Variants in STOX2 observed in about 807,000 individuals in gnomAD.
The protein encoded by STOX2 is storkhead-box protein 2.
A neutral mutation model predicts 60.9 loss-of-function variants in STOX2; 28 were observed. The ratio of observed to expected loss-of-function variants is 0.46; its 90% CI spans 0.34 to 0.63. The LOEUF (loss-of-function observed/expected upper bound fraction) is 0.63, where lower values mean the gene tolerates loss of function less well. Among genes scored for constraint, STOX2 ranks in the 30% least tolerant of loss-of-function variants. The pLI is 0.01. For synonymous variants in STOX2, 472 were observed against 463.9 expected, an observed-to-expected ratio of 1.02 and a Z score of -0.22; for missense variants, 1,024 against 1,187.7, an observed-to-expected ratio of 0.86 and a Z score of 2.03.
chr4:183,943,024 A>G (rs187936696), intron 1 of STOX2, among the ~76,000 whole-genome samples: 66 of 152,372 alleles, frequency 4.3e-4, no homozygotes, highest in African/African-American at 1.3e-3. Flanking sequence ...TCTGGGATAC[A>G]GTCAGCTTTC....
chr4:183,971,655 G>A (rs1016662532), intron 1 of STOX2, among the ~76,000 whole-genome samples: 4 of 152,236 alleles, frequency 2.6e-5, no homozygotes, highest in Non-Finnish European at 5.9e-5. Context: ...TATGTGGTAA[G>A]TGGATGAAGT....
At chr4:183,877,415 C>T in intron 1 of STOX2, among the ~76,000 whole-genome samples, 1 of 152,120 alleles carries the variant, frequency 6.6e-6, no homozygotes. Flanking sequence ...GAACACCAGC[C>T]AGTATGTTAG....
At chr4:183,882,906 A>G (rs564148543) in intron 1 of STOX2, among the ~76,000 whole-genome samples, 24 of 152,314 alleles carry the variant, frequency 1.6e-4, no homozygotes, top group Non-Finnish European at 2.6e-4. Flanking sequence ...GGATTTAATG[A>G]TATTCTTTAC....
chr4:183,888,519 T>A (rs79064387), intron 1 of STOX2, among the ~76,000 whole-genome samples: 18,657 of 152,034 alleles, frequency 0.12, 1,301 homozygotes, highest in East Asian at 0.21. Flanking sequence ...ATGTCCTGTT[T>A]CCTCCCGACC....
Position 183,970,179 on chromosome 4 carries a change from TGTGG to T in STOX2, c.167-31144_167-31141del, listed in dbSNP as rs1394671196. ...GTGTGTGTGTGTGTGTGTGTGTGTGTGTGGGGTTCCAGCTGAATTTTCTGTCCCG... is the reference window on the plus strand; with the variant it reads ...GTGTGTGTGTGTGTGTGTGTGTGTGTGGTTCCAGCTGAATTTTCTGTCCCG... On this transcript the variant is annotated intron_variant, in intron 1 of 3. Coordinates refer to ENST00000308497, the MANE Select transcript of STOX2 (RefSeq NM_020225.3). Among the ~76,000 whole-genome samples the T allele has an allele frequency of 6.8e-3, 952 of 139,528 alleles. 14 individuals are homozygous for T. Among genetic ancestry groups the T allele is most frequent in the African/African-American group, 0.024 (892 of 37,244 alleles). The allele number at this position is 139,528 out of a possible 152,430, so 91.5% of individuals were successfully genotyped here.
intron 1 of STOX2, among the ~76,000 whole-genome samples, chr4:183,980,259 G>A (rs1732603709): frequency 1.3e-5 from 2 of 152,226 alleles, no homozygotes; most frequent in African/African-American, 4.8e-5. Flanking sequence ...AAAGATGTTA[G>A]TAGGAGAGTA....
chr4:183,968,608 A>C (rs1743648262), intron 1 of STOX2, among the ~76,000 whole-genome samples: 1 of 152,182 alleles, frequency 6.6e-6, no homozygotes. Flanking sequence ...GGAGACAGAA[A>C]TCCTGCCACC....
intron 1 of STOX2, among the ~76,000 whole-genome samples, chr4:183,975,991 C>T (rs578148189): frequency 2.9e-3 from 437 of 152,184 alleles, no homozygotes; most frequent in Non-Finnish European, 5.0e-3. Flanking sequence ...TGGATTTAGG[C>T]TTGGAATATA....
At chr4:183,995,342 TAAG>T in intron 1 of STOX2, among the ~76,000 whole-genome samples, 1 of 123,896 alleles carries the variant, frequency 8.1e-6, no homozygotes, top group African/African-American at 3.2e-5. Context: ...AGAACCGAGA[TAAG>T]AACAGTTTTG....
At chr4:183,835,358 G>A (rs1326491473) in intron 1 of STOX2, among the ~76,000 whole-genome samples, 5 of 151,434 alleles carry the variant, frequency 3.3e-5, no homozygotes, top group African/African-American at 4.9e-5. Context: ...CGAGTAGCTG[G>A]GACTACAGGC....
chr4:183,860,442 C>CAAAAAA (rs35753992), intron 1 of STOX2, among the ~76,000 whole-genome samples: 20 of 121,448 alleles, frequency 1.6e-4, no homozygotes, highest in South Asian at 5.7e-4. Context: ...AAACAAAAAA[C>CAAAAAA]AAAAAAAAAA....
chr4:183,899,741 AT>A (rs1371262133), intron 1 of STOX2, among the ~76,000 whole-genome samples: 1 of 152,244 alleles, frequency 6.6e-6, no homozygotes, highest in Non-Finnish European at 1.5e-5. Flanking sequence ...GGAAGTGCTG[AT>A]GGAGAAACTG....
At chr4:183,886,393 C>A (rs1741085417) in intron 1 of STOX2, among the ~76,000 whole-genome samples, 1 of 152,130 alleles carries the variant, frequency 6.6e-6, no homozygotes, top group Admixed American at 6.5e-5. Context: ...GGCCTTGTAC[C>A]TAAGAGATGA....
chr4:183,919,718 C>G (rs1394674427), intron 1 of STOX2, among the ~76,000 whole-genome samples: 3 of 151,834 alleles, frequency 2.0e-5, no homozygotes, highest in East Asian at 3.9e-4. Context: ...CAATCCTCCC[C>G]CCTCGGCCTC....
At chr4:183,926,606 G>C (rs1742247791) in intron 1 of STOX2, among the ~76,000 whole-genome samples, 1 of 151,784 alleles carries the variant, frequency 6.6e-6, no homozygotes, top group Admixed American at 6.6e-5. Context: ...TGTATAATTA[G>C]AGTAAAGCAA....
chr4:183,976,533 A>G (rs964875902), intron 1 of STOX2, among the ~76,000 whole-genome samples: 9 of 147,910 alleles, frequency 6.1e-5, no homozygotes, highest in African/African-American at 2.2e-4. Flanking sequence ...TATGATAGCT[A>G]TAGACACTGC....
At chr4:183,831,542 C>T (rs1224060183) in intron 1 of STOX2, among the ~76,000 whole-genome samples, 5 of 149,346 alleles carry the variant, frequency 3.3e-5, no homozygotes, top group African/African-American at 4.9e-5. Context: ...TAAATAATTG[C>T]GAAAAGAATG....
At chr4:184,008,574 C>A (rs1044990784) in intron 2 of STOX2, among the ~76,000 whole-genome samples, 1 of 152,190 alleles carries the variant, frequency 6.6e-6, no homozygotes, top group African/African-American at 2.4e-5. Flanking sequence ...AAATGGAAGG[C>A]AATGACTCCA....
At chr4:183,818,510 C>T (rs550665544) in intron 1 of STOX2, among the ~76,000 whole-genome samples, 1 of 152,366 alleles carries the variant, frequency 6.6e-6, no homozygotes, top group Admixed American at 6.5e-5. Flanking sequence ...TACACAGACA[C>T]AGCAACAATC....
Sources: gnomAD v4.1 joint callset for allele counts (sites outside exome capture counted in the v4.1 genomes callset) on GRCh38, gnomAD v4.1.1 for gene constraint, MANE v1.5 for transcripts, NCBI Gene and HGNC (gene_info 2026-07-23, HGNC 2026-07-21) for gene names.